The following GABPB1 variants were observed in gnomAD, a reference collection of about 807,000 sequenced individuals.
GABPB1 encodes GA-binding protein subunit beta-1.
Under a neutral mutation model 45.9 loss-of-function variants are expected in GABPB1, and 15 were observed. The observed-to-expected ratio is 0.33, with a 90% CI of 0.22 to 0.50. The LOEUF is 0.50. Among genes scored for constraint, GABPB1 ranks in the 20% least tolerant of loss-of-function variants. The pLI, the probability that GABPB1 is intolerant of heterozygous loss-of-function variation, is 0.98. For missense variants in GABPB1, 252 were observed against 457.5 expected (o/e 0.55, Z 4.10); for synonymous variants, 143 against 154.4 (o/e 0.93, Z 0.55).
At position 50,278,056 on chromosome 15, in the gene GABPB1, T is replaced by C. The variant is rs2045872768; in HGVS notation, c.*576A>G. On this transcript the variant is annotated 3_prime_UTR_variant, in exon 9 of 9. Transcript: ENST00000380877. ...TACAAACAGAAATTTTTAAAAATAT[T>C]TGCTTCATATACATGTAAATCTACT... 1 of 152,650 alleles carries C rather than the reference T, an allele frequency of 6.6e-6. No homozygotes were observed. Among genetic ancestry groups the C allele is most frequent in the Admixed American group, 6.5e-5 (1 of 15,284 alleles). The allele number at this position is 152,650 out of a possible 1,614,324, so 9.5% of individuals were successfully genotyped here. A position where few individuals can be genotyped will look rare whatever the true frequency, so the allele number is the denominator to read the frequency against.
chr15:50,291,917 C>CA (rs1369368939), intron 6 of GABPB1, among the ~76,000 whole-genome samples: 1,175 of 83,246 alleles, frequency 0.014, 27 homozygotes, highest in African/African-American at 0.032. Context: ...GACTCTGTCT[C>CA]AAAAAAAAAA....
chr15:50,336,815 A>G (rs552289324), intron 1 of GABPB1, among the ~76,000 whole-genome samples: 69 of 151,842 alleles, frequency 4.5e-4, no homozygotes, highest in African/African-American at 1.6e-3. Flanking sequence ...ATCTATTATA[A>G]GAAGTTAAAT....
intron 1 of GABPB1, among the ~76,000 whole-genome samples, chr15:50,326,343 A>C (rs1406333875): frequency 6.7e-6 from 1 of 148,724 alleles, no homozygotes; most frequent in East Asian, 2.0e-4. Flanking sequence ...GTGAAACCCT[A>C]ATCTCTCCAA....
At chr15:50,318,231 T>C (rs2047421220) in intron 1 of GABPB1, among the ~76,000 whole-genome samples, 1 of 152,172 alleles carries the variant, frequency 6.6e-6, no homozygotes, top group African/African-American at 2.4e-5. Flanking sequence ...CAGACCCTTA[T>C]TCTCAATTCT....
chr15:50,337,411 T>C (rs2048189221), intron 1 of GABPB1, among the ~76,000 whole-genome samples: 1 of 151,974 alleles, frequency 6.6e-6, no homozygotes, highest in Non-Finnish European at 1.5e-5. Context: ...AAGTAAACTT[T>C]TACTAGTAAA....
chr15:50,348,696 T>C (rs1446239663), intron 1 of GABPB1, among the ~76,000 whole-genome samples: 4 of 151,964 alleles, frequency 2.6e-5, no homozygotes, highest in Non-Finnish European at 4.4e-5. Flanking sequence ...ACCACGTTTC[T>C]ACTAAAAATG....
chr15:50,288,960 C>T (rs947084526), intron 7 of GABPB1, among the ~76,000 whole-genome samples: 1 of 151,866 alleles, frequency 6.6e-6, no homozygotes, highest in African/African-American at 2.4e-5. Context: ...CAAGTAGCTG[C>T]GACTATCAGC....
At chr15:50,315,340 C>T (rs1478723303) in intron 1 of GABPB1, among the ~76,000 whole-genome samples, 1 of 152,162 alleles carries the variant, frequency 6.6e-6, no homozygotes, top group Admixed American at 6.5e-5. Context: ...CCATGTTGCC[C>T]AGGCTGGTCT....
At chr15:50,288,512 T>G (rs1463395853) in intron 7 of GABPB1, among the ~76,000 whole-genome samples, 1 of 152,178 alleles carries the variant, frequency 6.6e-6, no homozygotes, top group Non-Finnish European at 1.5e-5. Context: ...TCCTACTGAG[T>G]CTGGGGCCCT....
chr15:50,354,483 C>T (rs1166626966), intron 1 of GABPB1: 1 of 448,934 alleles, frequency 2.2e-6, no homozygotes, highest in Admixed American at 2.4e-5. Flanking sequence ...GTTCCCCTCT[C>T]CGGAGAGCCC....
rs2045829149 is a variant in GABPB1, at chr15:50,275,542, A to T, written c.*3090T>A. 6.6e-6 allele frequency: 1 copy of T among 152,222 alleles called. No individual in the cohort carries two copies. The highest frequency in any genetic ancestry group is 2.1e-4 in the South Asian group (1 of 4,834). 9.4% of individuals were successfully genotyped at this position (152,222 alleles called of 1,614,324 possible). A position where few individuals can be genotyped will look rare whatever the true frequency, so the allele number is the denominator to read the frequency against. On this transcript the variant is annotated 3_prime_UTR_variant, in exon 9 of 9. Coordinates refer to ENST00000380877, the MANE Select transcript of GABPB1 (RefSeq NM_016654.5). ...ACCCATTGTAAAGTCAAACAATCATAAATCAAAGCATCATAAATTGGGGAC... is the reference window on the plus strand; with the variant it reads ...ACCCATTGTAAAGTCAAACAATCATTAATCAAAGCATCATAAATTGGGGAC...
intron 2 of GABPB1, among the ~76,000 whole-genome samples, chr15:50,308,232 A>G (rs1331534770): frequency 6.6e-6 from 1 of 152,252 alleles, no homozygotes; most frequent in Non-Finnish European, 1.5e-5. Context: ...AGGTTCCTCC[A>G]GAGCAGATAT....
intron 6 of GABPB1, among the ~76,000 whole-genome samples, chr15:50,293,328 T>C (rs1463746879): frequency 6.6e-6 from 1 of 152,164 alleles, no homozygotes; most frequent in East Asian, 1.9e-4. Flanking sequence ...CAAGATGTAC[T>C]CAACAGGCCT....
Position 50,278,070 on chromosome 15 carries a change from T to C in GABPB1, c.*562A>G, listed in dbSNP as rs995540048. 6.6e-6 allele frequency: 1 copy of C among 152,658 alleles called. No homozygotes were observed. Among genetic ancestry groups the C allele is most frequent in the Non-Finnish European group, 1.5e-5 (1 of 68,036 alleles). The allele number at this position is 152,658 out of a possible 1,614,324, so 9.5% of individuals were successfully genotyped here. A position where few individuals can be genotyped will look rare whatever the true frequency, so the allele number is the denominator to read the frequency against. ...TTTAAAAATATTTGCTTCATATACA[T>C]GTAAATCTACTTGGGTATAGCTGAA... On this transcript the variant is annotated 3_prime_UTR_variant, in exon 9 of 9. Transcript: ENST00000380877.
chr15:50,348,415 T>A (rs2048684957), intron 1 of GABPB1, among the ~76,000 whole-genome samples: 1 of 152,048 alleles, frequency 6.6e-6, no homozygotes, highest in Non-Finnish European at 1.5e-5. Context: ...CACGTCTGGC[T>A]AATTTTTGTA....
At chr15:50,299,793 A>G (rs1173071437) in intron 6 of GABPB1, among the ~76,000 whole-genome samples, 1 of 152,044 alleles carries the variant, frequency 6.6e-6, no homozygotes, top group East Asian at 1.9e-4. Context: ...TAAAAATTAA[A>G]ATTTATGAAA....
At chr15:50,308,911 G>C (rs2047035444) in intron 2 of GABPB1, among the ~76,000 whole-genome samples, 1 of 152,096 alleles carries the variant, frequency 6.6e-6, no homozygotes, top group Non-Finnish European at 1.5e-5. Context: ...ACAGTAGACA[G>C]AGTTATAGAG....
chr15:50,314,002 T>C (rs1398114466), intron 1 of GABPB1, among the ~76,000 whole-genome samples: 1 of 152,170 alleles, frequency 6.6e-6, no homozygotes, highest in African/African-American at 2.4e-5. Flanking sequence ...ATATCAATCA[T>C]AGATCTGCTT....
chr15:50,329,444 C>CTACA (rs1166180474), intron 1 of GABPB1, among the ~76,000 whole-genome samples: 5 of 152,154 alleles, frequency 3.3e-5, no homozygotes, highest in African/African-American at 1.2e-4. Flanking sequence ...TGCCTTTATC[C>CTACA]TACAATACAT....
Sources: allele counts gnomAD v4.1 joint callset (sites outside exome capture counted in the v4.1 genomes callset), GRCh38; gene constraint gnomAD v4.1.1; transcripts MANE v1.5; gene names NCBI Gene and HGNC (gene_info 2026-07-23, HGNC 2026-07-21).